The following PARN variants were observed in gnomAD, a reference collection of about 807,000 sequenced individuals.
The protein encoded by PARN is poly(A)-specific ribonuclease PARN.
Under a neutral mutation model 102.8 loss-of-function variants are expected in PARN, and 71 were observed. The ratio of observed to expected loss-of-function variants is 0.69; its 90% CI spans 0.57 to 0.84. The LOEUF is 0.84. Ranked by LOEUF, PARN falls within the 40% of genes least tolerant of loss-of-function variation. The pLI, the probability that PARN is intolerant of heterozygous loss-of-function variation, is 0.00. For synonymous variants in PARN, 261 were observed against 252.9 expected (o/e 1.03, Z -0.30); for missense variants, 782 against 760.9 (o/e 1.03, Z -0.33).
chr16:14,491,166 C>T (rs1312087420), intron 21 of PARN, among the ~76,000 whole-genome samples: 1 of 151,308 alleles, frequency 6.6e-6, no homozygotes, highest in African/African-American at 2.4e-5. Context: ...CCTTCCTTTC[C>T]ACCCTCTCTA....
chr16:14,513,160 A>G (rs1022247407), intron 21 of PARN, among the ~76,000 whole-genome samples: 2 of 152,096 alleles, frequency 1.3e-5, no homozygotes, highest in Admixed American at 1.3e-4. Flanking sequence ...CCTGACCTCA[A>G]GTGATCTGCC....
At chr16:14,628,352 A>C (rs1329420452) in intron 2 of PARN, 101 bp from the exon 3 acceptor site, 1 of 689,642 alleles carries the variant, frequency 1.5e-6, no homozygotes, top group Non-Finnish European at 2.5e-6. Context: ...TCACGAATTA[A>C]GGTTACTTGG....
intron 22 of PARN, among the ~76,000 whole-genome samples, chr16:14,482,077 A>G (rs150733347): frequency 6.6e-6 from 1 of 152,300 alleles, no homozygotes; most frequent in Non-Finnish European, 1.5e-5. Context: ...CAAAGCCTCC[A>G]TCTCCTCAAC....
chr16:14,440,808 C>A (rs1038740632), intron 23 of PARN, among the ~76,000 whole-genome samples: 4 of 152,092 alleles, frequency 2.6e-5, no homozygotes, highest in African/African-American at 9.7e-5. Flanking sequence ...AAGACAAAAT[C>A]GCAGGGACAG....
At position 14,512,201 on chromosome 16, in the gene PARN, T is replaced by C. The variant is rs983913508; in HGVS notation, c.1481-29374A>G. 2.0e-5 allele frequency among the ~76,000 whole-genome samples: 3 copies of C among 152,138 alleles called. No individual in the cohort carries two copies. The East Asian group carries it at 5.8e-4, about 29-fold the overall frequency. The stretch of plus-strand genomic sequence containing the variant: ...TGACTTGTCATGACTGTGCTAAGTG[T>C]TGTATTAATAATCGTCCTGGCCGGG... On this transcript the variant is annotated intron_variant, in intron 21 of 23. Transcript: ENST00000437198.
chr16:14,455,795 T>C (rs536934266), intron 22 of PARN, among the ~76,000 whole-genome samples: 1 of 152,340 alleles, frequency 6.6e-6, no homozygotes, highest in East Asian at 1.9e-4. Flanking sequence ...ACCCCTTCTC[T>C]CCTACATGTT....
intron 21 of PARN, among the ~76,000 whole-genome samples, chr16:14,517,020 G>C (rs771827461): frequency 2.6e-5 from 4 of 152,124 alleles, no homozygotes; most frequent in Non-Finnish European, 5.9e-5. Context: ...AGAGATTATA[G>C]CTAATTTCAA....
intron 18 of PARN, among the ~76,000 whole-genome samples, chr16:14,560,115 T>C (rs1405686597): frequency 6.6e-6 from 1 of 152,192 alleles, no homozygotes; most frequent in Non-Finnish European, 1.5e-5. Context: ...CCTGGAATGA[T>C]TTGATAAAAT....
chr16:14,630,163 C>G lies in PARN; in HGVS notation c.-38G>C, dbSNP rs375087777. ...CCGGAACCTTGGCCCCACCCGGGCC[C>G]GCGCCCGCCTCAGCGGTTCTACTCG... On this transcript the variant is annotated 5_prime_UTR_variant, in exon 1 of 24. Transcript: ENST00000437198. 6.5e-7 allele frequency: 1 copy of G among 1,542,228 alleles called. No homozygotes were observed. The highest frequency in any genetic ancestry group is 1.4e-5 in the African/African-American group (1 of 72,718).
At chr16:14,523,256 C>CAA (rs1555491503) in intron 21 of PARN, among the ~76,000 whole-genome samples, 4 of 148,798 alleles carry the variant, frequency 2.7e-5, no homozygotes, top group African/African-American at 9.8e-5. Context: ...CACACACACA[C>CAA]AAACTATACA....
intron 21 of PARN, among the ~76,000 whole-genome samples, chr16:14,500,230 A>AT (rs1250171243): frequency 1.3e-5 from 2 of 151,802 alleles, no homozygotes; most frequent in Non-Finnish European, 2.9e-5. Context: ...TAATTTAAAA[A>AT]TTTTTTTTGT....
intron 20 of PARN, among the ~76,000 whole-genome samples, chr16:14,552,980 T>C (rs1314664087): frequency 1.3e-5 from 2 of 152,032 alleles, no homozygotes; most frequent in East Asian, 3.9e-4. Context: ...ATAGTGTTAG[T>C]ACTTAAAGTA....
At chr16:14,449,764 T>C (rs1961370056) in intron 22 of PARN, among the ~76,000 whole-genome samples, 1 of 152,076 alleles carries the variant, frequency 6.6e-6, no homozygotes, top group Non-Finnish European at 1.5e-5. Context: ...TAATGCAAAA[T>C]AAAACAACAC....
chr16:14,582,242 G>A lies in PARN; in HGVS notation c.1131C>T (p.His377=), dbSNP rs200644588. 288 of 1,613,586 alleles carry A rather than the reference G, an allele frequency of 1.8e-4. No individual in the cohort carries two copies. Among genetic ancestry groups the A allele is most frequent in the Non-Finnish European group, 2.3e-4 (269 of 1,179,628 alleles). Residue 377 remains histidine (H), a synonymous_variant, in exon 17 of 24, where the codon CAC becomes CAT. Coordinates refer to ENST00000437198, the MANE Select transcript of PARN (RefSeq NM_002582.4). ...PSYDTASEQL[H]EAGYDAYITG... is the part of the protein sequence containing the mutation. ...TGATGTAGGCATCGTAGCCTGCCTC[G>A]TGGAGTTGTTCAGAGGCTGTGTCAT...
chr16:14,598,068 C>A (rs554120809), intron 12 of PARN, among the ~76,000 whole-genome samples: 3 of 152,134 alleles, frequency 2.0e-5, no homozygotes, highest in African/African-American at 7.2e-5. Flanking sequence ...TGCTTGAACC[C>A]GAGAGGCGGA....
intron 18 of PARN, among the ~76,000 whole-genome samples, chr16:14,568,043 T>C (rs1304777100): frequency 2.0e-5 from 3 of 152,008 alleles, no homozygotes; most frequent in African/African-American, 7.2e-5. Flanking sequence ...CACCCAAGGG[T>C]CCTCAGCACA....
At chr16:14,487,355 C>T (rs1596495541) in intron 21 of PARN, among the ~76,000 whole-genome samples, 1 of 152,280 alleles carries the variant, frequency 6.6e-6, no homozygotes, top group South Asian at 2.1e-4. Flanking sequence ...TGTAGGTTGA[C>T]AATTAGCTTA....
chr16:14,560,149 T>G (rs902244997), intron 18 of PARN, among the ~76,000 whole-genome samples: 1 of 152,204 alleles, frequency 6.6e-6, no homozygotes, highest in African/African-American at 2.4e-5. Context: ...CTCATCCAAC[T>G]TGACAGTTTT....
In PARN at chr16:14,585,508, TC is replaced by T. The variant is rs1333803507; in HGVS notation, c.963-718del. 1.7e-3 allele frequency among the ~76,000 whole-genome samples: 265 copies of T among 152,028 alleles called. 3 individuals are homozygous for T. The highest frequency in any genetic ancestry group is 6.2e-3 in the African/African-American group (256 of 41,452). On this transcript the variant is annotated intron_variant, in intron 14 of 23. Coordinates refer to ENST00000437198, the MANE Select transcript of PARN (RefSeq NM_002582.4). ...AGACACAAACACTTGTTCGGTAGGC[TC>T]CACATGGCTGACCTATGATGTCTCA... is the stretch of plus-strand genomic sequence containing the variant.
Sources: gnomAD v4.1 joint callset for allele counts (sites outside exome capture counted in the v4.1 genomes callset) on GRCh38, gnomAD v4.1.1 for gene constraint, MANE v1.5 for transcripts, NCBI Gene and HGNC (gene_info 2026-07-23, HGNC 2026-07-21) for gene names.